The following AKAP6 variants were observed in gnomAD, a reference collection of about 807,000 sequenced individuals.
The protein encoded by AKAP6 is A-kinase anchor protein 6.
In AKAP6, 58 loss-of-function variants were observed where a neutral mutation model predicts 188.5. That is an observed-to-expected ratio of 0.31 (90% CI 0.25 to 0.38). The LOEUF (loss-of-function observed/expected upper bound fraction) is 0.38, where lower values mean the gene tolerates loss of function less well. AKAP6 is among the 10% of genes least tolerant of loss of function. The pLI is 1.00. For synonymous variants in AKAP6, 989 were observed against 998.6 expected (o/e 0.99, Z 0.18); for missense variants, 2,710 against 2,740.0 (o/e 0.99, Z 0.24).
intron 2 of AKAP6, among the ~76,000 whole-genome samples, chr14:32,468,255 G>T (rs1405731739): frequency 6.6e-6 from 1 of 152,164 alleles, no homozygotes; most frequent in East Asian, 1.9e-4. Flanking sequence ...TTAATGAAGA[G>T]AAAATTAAAT....
chr14:32,556,051 T>A (rs1218343268), intron 4 of AKAP6, among the ~76,000 whole-genome samples: 1 of 152,090 alleles, frequency 6.6e-6, no homozygotes, highest in Non-Finnish European at 1.5e-5. Flanking sequence ...TTACACCATT[T>A]TACAATCCCA....
intron 11 of AKAP6, among the ~76,000 whole-genome samples, chr14:32,740,699 T>C (rs964808817): frequency 2.0e-5 from 3 of 152,086 alleles, no homozygotes; most frequent in Non-Finnish European, 2.9e-5. Context: ...TGAATTCATT[T>C]TTGGGTTCTC....
At chr14:32,780,155 A>AAAAAATATAT (rs1555361856) in intron 12 of AKAP6, among the ~76,000 whole-genome samples, 1 of 91,444 alleles carries the variant, frequency 1.1e-5, no homozygotes, top group African/African-American at 4.1e-5. Flanking sequence ...TGAAAAAAAA[A>AAAAAATATAT]ACATATATAT....
At chr14:32,721,853 A>G (rs985072917) in intron 9 of AKAP6, among the ~76,000 whole-genome samples, 3 of 152,182 alleles carry the variant, frequency 2.0e-5, no homozygotes, top group Non-Finnish European at 2.9e-5. Flanking sequence ...AACTTTCTAA[A>G]ACAGAGAGGA....
At chr14:32,376,824 G>A (rs985935724) in intron 1 of AKAP6, among the ~76,000 whole-genome samples, 2 of 152,132 alleles carry the variant, frequency 1.3e-5, no homozygotes, top group Non-Finnish European at 2.9e-5. Flanking sequence ...AGCCTCCTGA[G>A]TAGCTGGGAT....
chr14:32,469,495 G>C (rs1878649209), intron 2 of AKAP6, among the ~76,000 whole-genome samples: 1 of 152,224 alleles, frequency 6.6e-6, no homozygotes, highest in South Asian at 2.1e-4. Context: ...AGTCAAGACA[G>C]TTTTGATCTT....
chr14:32,430,998 G>A (rs1300567179), intron 1 of AKAP6, among the ~76,000 whole-genome samples: 1 of 151,998 alleles, frequency 6.6e-6, no homozygotes. Context: ...CCAGCTACCT[G>A]GGGGGTTGAG....
intron 12 of AKAP6, among the ~76,000 whole-genome samples, chr14:32,802,109 G>T (rs556504395): frequency 1.3e-5 from 2 of 151,986 alleles, no homozygotes; most frequent in Non-Finnish European, 2.9e-5. Context: ...CCAATTATAT[G>T]TATGTTATAC....
intron 11 of AKAP6, among the ~76,000 whole-genome samples, chr14:32,749,983 A>T (rs1461349180): frequency 2.0e-5 from 3 of 152,318 alleles, no homozygotes; most frequent in East Asian, 1.9e-4. Flanking sequence ...TTCTACCCAA[A>T]TCTGACAGTT....
chr14:32,585,064 G>A (rs1885172108), intron 5 of AKAP6, among the ~76,000 whole-genome samples: 2 of 149,652 alleles, frequency 1.3e-5, no homozygotes, highest in South Asian at 4.2e-4. Context: ...AGATTTTATA[G>A]TATCCTTAGA....
At chr14:32,426,108 A>C (rs922208605) in intron 1 of AKAP6, among the ~76,000 whole-genome samples, 19 of 152,184 alleles carry the variant, frequency 1.2e-4, no homozygotes, top group Non-Finnish European at 2.6e-4. Context: ...AGGGAATCCC[A>C]GACCCATTTT....
intron 8 of AKAP6, among the ~76,000 whole-genome samples, chr14:32,687,400 ATCTCTCTC>A (rs71115092): frequency 0.37 from 47,621 of 128,790 alleles, 8,590 homozygotes; most frequent in Admixed American, 0.49. Flanking sequence ...CATACTAACT[ATCTCTCTC>A]TCTCTCTCTC....
chr14:32,579,438 C>G (rs1024767698), intron 5 of AKAP6, among the ~76,000 whole-genome samples: 1 of 152,064 alleles, frequency 6.6e-6, no homozygotes, highest in Non-Finnish European at 1.5e-5. Flanking sequence ...TTCTACTTTG[C>G]AAATAGTGAG....
intron 7 of AKAP6, among the ~76,000 whole-genome samples, chr14:32,628,827 T>C (rs1887136041): frequency 2.0e-5 from 3 of 152,152 alleles, no homozygotes; most frequent in Admixed American, 2.0e-4. Flanking sequence ...TGTTGCTGTT[T>C]CTATTAAGGT....
chr14:32,607,897 C>T (rs908707131), intron 7 of AKAP6, among the ~76,000 whole-genome samples: 6 of 152,090 alleles, frequency 3.9e-5, no homozygotes, highest in African/African-American at 1.4e-4. Flanking sequence ...GTGGATTTTT[C>T]AATAGCCCCT....
intron 12 of AKAP6, among the ~76,000 whole-genome samples, chr14:32,817,362 T>C (rs1020842865): frequency 2.0e-5 from 3 of 152,196 alleles, no homozygotes; most frequent in Non-Finnish European, 2.9e-5. Flanking sequence ...TATGTTGTGC[T>C]AATATAAATA....
At position 32,829,830 on chromosome 14, in the gene AKAP6, C is replaced by T. The variant is rs1255432670; in HGVS notation, c.*43-18C>T. The T allele has an allele frequency of 5.8e-6, 4 of 689,866 alleles. No individual in the cohort carries two copies. The highest frequency in any genetic ancestry group is 2.7e-5 in the East Asian group (1 of 36,688). The allele number at this position is 689,866 out of a possible 1,614,324, so 42.7% of individuals were successfully genotyped here. On this transcript the variant is annotated intron_variant, in intron 13 of 13. Transcript: ENST00000280979. ...ACATTTCTGAAACCTTTTCTTGTCA[C>T]TTTTTTGTTTCTTGTAGATACGCCT...
chr14:32,771,287 T>A (rs1353261869), intron 11 of AKAP6, among the ~76,000 whole-genome samples: 1 of 150,794 alleles, frequency 6.6e-6, no homozygotes, highest in East Asian at 1.9e-4. Flanking sequence ...CAAGTGCACA[T>A]GTAGGATAAA....
chr14:32,587,757 CT>C (rs1383051803), intron 5 of AKAP6, among the ~76,000 whole-genome samples: 11 of 152,204 alleles, frequency 7.2e-5, no homozygotes, highest in Non-Finnish European at 1.6e-4. Flanking sequence ...GGACAGCCCA[CT>C]GCTCTACAGC....
Sources: allele counts gnomAD v4.1 joint callset (sites outside exome capture counted in the v4.1 genomes callset), GRCh38; gene constraint gnomAD v4.1.1; transcripts MANE v1.5; gene names NCBI Gene and HGNC (gene_info 2026-07-23, HGNC 2026-07-21).